Variants in C1orf174 observed in about 807,000 individuals in gnomAD.
C1orf174 encodes chromosome 1 open reading frame 174, also known as UPF0688 protein C1orf174.
In C1orf174, 13 loss-of-function variants were observed where a neutral mutation model predicts 18.4. The ratio of observed to expected loss-of-function variants is 0.71; its 90% CI spans 0.46 to 1.12. The LOEUF is 1.12. Ranked by LOEUF, C1orf174 falls within the 50% of genes most tolerant of loss-of-function variation. The probability of loss-of-function intolerance (pLI) is 0.00; values close to 1 mark genes in which losing one functional copy is unlikely to be tolerated. For synonymous variants in C1orf174, 100 were observed against 118.3 expected (o/e 0.85, Z 1.01); for missense variants, 309 against 308.0 (o/e 1.00, Z -0.02).
chr1:3,892,914 G>T lies in C1orf174; in HGVS notation c.98C>A (p.Ala33Asp). The T allele has an allele frequency of 6.2e-7, 1 of 1,614,266 alleles. No homozygotes were observed. Among genetic ancestry groups the T allele is most frequent in the Non-Finnish European group, 8.5e-7 (1 of 1,180,040 alleles). The part of the protein sequence containing the change: ...AARLASAQEV[A>D]GSTSAKTACL... ...TGCTGTCTTGGCAGACGTGGAACCA[G>T]CAACTTCCTGGGCAGAGGCCAACCT... Residue 33 changes from alanine (A) to aspartate (D), a missense_variant, in exon 2 of 4, where the codon GCT (alanine) becomes GAT (aspartate). Transcript: ENST00000361605.
intron 1 of C1orf174, among the ~76,000 whole-genome samples, chr1:3,897,254 T>C (rs1338931935): frequency 6.6e-6 from 1 of 152,160 alleles, no homozygotes. Context: ...AAGGTAGCCA[T>C]GATAAACAAT....
At chr1:3,891,982 G>A (rs1357594475) in intron 2 of C1orf174, 3 of 53,470 alleles carry the variant, frequency 5.6e-5, no homozygotes, top group African/African-American at 9.4e-5. Context: ...ACGGGTGGGC[G>A]GGTGCTAGGA....
chr1:3,898,326 A>G (rs1244879826), intron 1 of C1orf174, among the ~76,000 whole-genome samples: 1 of 152,164 alleles, frequency 6.6e-6, no homozygotes, highest in African/African-American at 2.4e-5. Flanking sequence ...CCTCGCCAAC[A>G]TGGTGAAAAC....
chr1:3,894,902 G>A (rs928582720), intron 1 of C1orf174, among the ~76,000 whole-genome samples: 3 of 152,338 alleles, frequency 2.0e-5, no homozygotes, highest in Admixed American at 6.5e-5. Context: ...TGAGAGCCCC[G>A]GCAGACGTCA....
At chr1:3,894,712 T>C (rs1055545158) in intron 1 of C1orf174, among the ~76,000 whole-genome samples, 1 of 151,974 alleles carries the variant, frequency 6.6e-6, no homozygotes, top group Non-Finnish European at 1.5e-5. Context: ...TGTGATACTG[T>C]GGCAGTCAGA....
rs1300435604 is a variant in C1orf174 at position 3,890,573 on chromosome 1, A to G, written c.614T>C (p.Met205Thr). 1.9e-6 allele frequency: 3 copies of G among 1,613,890 alleles called. No homozygotes were observed. The highest frequency in any genetic ancestry group is 4.5e-5 in the East Asian group (2 of 44,884). Residue 205 changes from methionine (M) to threonine (T), a missense_variant, in exon 3 of 4, where the codon ATG becomes ACG. Coordinates refer to ENST00000361605, the MANE Select transcript of C1orf174 (RefSeq NM_207356.3). ...VSRFFGNVELMQDLPPASSSC... is the reference protein window; with the variant it reads ...VSRFFGNVELTQDLPPASSSC... ...GGAGGAAGGCGCCGCTCTTACCTGCATGAGCTCAACGTTTCCAAAGAACCG... is the reference window on the plus strand; with the variant it reads ...GGAGGAAGGCGCCGCTCTTACCTGCGTGAGCTCAACGTTTCCAAAGAACCG...
intron 3 of C1orf174, among the ~76,000 whole-genome samples, 153 bp from the exon 4 acceptor site, chr1:3,890,226 T>G (rs1638479936): frequency 6.6e-6 from 1 of 152,170 alleles, no homozygotes; most frequent in Non-Finnish European, 1.5e-5. Flanking sequence ...CGCCTCTAGA[T>G]GAGAACTTCC....
In C1orf174 at chr1:3,892,681, G is replaced by A. The variant is rs948551658; in HGVS notation, c.129+202C>T. 5.6e-6 allele frequency: 8 copies of A among 1,423,330 alleles called. No individual in the cohort carries two copies. The East Asian group carries it at 7.8e-5, about 14-fold the overall frequency. 88.2% of individuals were successfully genotyped at this position (1,423,330 alleles called of 1,614,324 possible). A position where few individuals can be genotyped will look rare whatever the true frequency, so the allele number is the denominator to read the frequency against. ...ACACACACGGGTGGGCGGGTGCTAGGAGAGCCAGCCCTGGCCTGCAGAGTG... is the reference window on the plus strand; with the variant it reads ...ACACACACGGGTGGGCGGGTGCTAGAAGAGCCAGCCCTGGCCTGCAGAGTG... On this transcript the variant is annotated intron_variant, in intron 2 of 3. Coordinates refer to ENST00000361605, the MANE Select transcript of C1orf174 (RefSeq NM_207356.3).
chr1:3,897,686 C>A (rs564317139), intron 1 of C1orf174, among the ~76,000 whole-genome samples: 5 of 151,360 alleles, frequency 3.3e-5, no homozygotes, highest in Admixed American at 1.3e-4. Flanking sequence ...TTTTTTGAGA[C>A]GGAGTCTCAC....
intron 1 of C1orf174, among the ~76,000 whole-genome samples, chr1:3,899,372 A>C (rs1638665084): frequency 6.6e-6 from 1 of 152,242 alleles, no homozygotes; most frequent in Non-Finnish European, 1.5e-5. Flanking sequence ...TGAACAAACC[A>C]GGAGAGCCTC....
At chr1:3,893,801 G>A (rs776051875) in intron 1 of C1orf174, among the ~76,000 whole-genome samples, 6 of 152,210 alleles carry the variant, frequency 3.9e-5, no homozygotes, top group Non-Finnish European at 7.3e-5. Context: ...GGAGGCTGAG[G>A]TGAGAGGATC....
rs1240862857 is a variant in C1orf174 at position 3,889,321 on chromosome 1, A to G, written c.*639T>C. ...CCAAAGCTACTGAGCTGAAGTGAAG[A>G]GCTGTCTTTACAAAGATCCCTCTCA... On this transcript the variant is annotated 3_prime_UTR_variant, in exon 4 of 4. Coordinates refer to ENST00000361605, the MANE Select transcript of C1orf174 (RefSeq NM_207356.3). The G allele has an allele frequency of 1.3e-5, 2 of 152,270 alleles. No homozygotes were observed. The highest frequency in any genetic ancestry group is 4.8e-5 in the African/African-American group (2 of 41,440). 9.4% of individuals were successfully genotyped at this position (152,270 alleles called of 1,614,324 possible).
intron 2 of C1orf174, 103 bp downstream of exon 2, chr1:3,892,780 C>G: frequency 6.6e-7 from 1 of 1,505,448 alleles, no homozygotes; most frequent in South Asian, 1.3e-5. Context: ...AGATAAGTAA[C>G]AGTCGATATT....
Position 3,900,208 on chromosome 1 carries a change from G to A in C1orf174, c.-22C>T, listed in dbSNP as rs1290004824. 8 of 1,570,388 alleles carry A rather than the reference G, an allele frequency of 5.1e-6. No homozygotes were observed. The highest frequency in any genetic ancestry group is 1.1e-5 in the South Asian group (1 of 88,092). ...TCATGAGTGTGAGCACCGCAGCCAA[G>A]CACCGCGCGCCCCGGCCAACGCGTC... On this transcript the variant is annotated 5_prime_UTR_variant, in exon 1 of 4. Transcript: ENST00000361605.
intron 1 of C1orf174, among the ~76,000 whole-genome samples, chr1:3,894,606 C>CAA (rs56302416): frequency 0.22 from 24,510 of 111,918 alleles, 2,918 homozygotes; most frequent in African/African-American, 0.33. Context: ...GACTCCGTCT[C>CAA]AAAAAAAAAA....
At chr1:3,899,714 G>A (rs1285111193) in intron 1 of C1orf174, among the ~76,000 whole-genome samples, 1 of 152,172 alleles carries the variant, frequency 6.6e-6, no homozygotes, top group African/African-American at 2.4e-5. Context: ...TAGGAAAGTG[G>A]CCCGAAACCT....
chr1:3,893,792 G>T (rs1638555092), intron 1 of C1orf174, among the ~76,000 whole-genome samples: 1 of 152,188 alleles, frequency 6.6e-6, no homozygotes, highest in South Asian at 2.1e-4. Flanking sequence ...AGCTATGTGG[G>T]AGGCTGAGGT....
intron 1 of C1orf174, among the ~76,000 whole-genome samples, chr1:3,895,123 C>T (rs769368450): frequency 1.1e-4 from 16 of 152,234 alleles, no homozygotes; most frequent in Admixed American, 2.0e-4. Flanking sequence ...CTCCTCCGGG[C>T]GCTTTGCTGC....
intron 1 of C1orf174, 66 bp from the exon 2 acceptor site, chr1:3,893,062 T>C (rs1638544178): frequency 1.9e-6 from 3 of 1,553,734 alleles, no homozygotes; most frequent in Non-Finnish European, 2.6e-6. Flanking sequence ...TAGACGAGAA[T>C]TTCCCACCTA....
Sources: gnomAD v4.1 joint callset for allele counts (sites outside exome capture counted in the v4.1 genomes callset) on GRCh38, gnomAD v4.1.1 for gene constraint, MANE v1.5 for transcripts, NCBI Gene and HGNC (gene_info 2026-07-23, HGNC 2026-07-21) for gene names.